PPP6R2: variants seen among roughly 807,000 people sequenced by gnomAD.
PPP6R2 encodes the protein serine/threonine-protein phosphatase 6 regulatory subunit 2.
Under a neutral mutation model 100.2 loss-of-function variants are expected in PPP6R2, and 62 were observed. The observed-to-expected ratio is 0.62, with a 90% CI of 0.50 to 0.76. The LOEUF (loss-of-function observed/expected upper bound fraction) is 0.76. Among genes scored for constraint, PPP6R2 ranks in the 30% least tolerant of loss-of-function variants. The probability of loss-of-function intolerance (pLI) is 0.00; values close to 1 mark genes in which losing one functional copy is unlikely to be tolerated. For synonymous variants in PPP6R2, 525 were observed against 514.7 expected (o/e 1.02, Z -0.27); for missense variants, 1,142 against 1,276.3 (o/e 0.89, Z 1.60).
the PPP6R2 span, among the ~76,000 whole-genome samples, chr22:50,337,276 ATGTGTGG>A: frequency 1.0e-4 from 12 of 116,620 alleles, no homozygotes; most frequent in Admixed American, 1.0e-3. Context: ...TGTGTGGTAC[ATGTGTGG>A]TGTGTGGTAT....
At chr22:50,428,738 T>TAA (rs77686598) in intron 10 of PPP6R2, among the ~76,000 whole-genome samples, 21 of 149,158 alleles carry the variant, frequency 1.4e-4, no homozygotes, top group African/African-American at 3.4e-4. Flanking sequence ...ATACATATTC[T>TAA]AAAAAAAAAA....
intron 1 of PPP6R2, among the ~76,000 whole-genome samples, chr22:50,362,101 G>A (rs2047908280): frequency 6.6e-6 from 1 of 152,236 alleles, no homozygotes; most frequent in Non-Finnish European, 1.5e-5. Flanking sequence ...TTCTCTGGCT[G>A]CCTGGAGGGT....
intron 3 of PPP6R2, among the ~76,000 whole-genome samples, chr22:50,395,735 T>C (rs997697297): frequency 6.6e-6 from 1 of 151,956 alleles, no homozygotes; most frequent in African/African-American, 2.4e-5. Context: ...TAATTTATTT[T>C]TGTATTTTTT....
intron 15 of PPP6R2, 57 bp from the exon 16 acceptor site, chr22:50,437,449 T>C: frequency 7.9e-7 from 1 of 1,271,872 alleles, no homozygotes; most frequent in Non-Finnish European, 1.1e-6. Flanking sequence ...CCTCCAGGCC[T>C]GATGCCTCCT....
At chr22:50,441,107 C>A in intron 22 of PPP6R2, 81 bp downstream of exon 22, 1 of 1,247,760 alleles carries the variant, frequency 8.0e-7, no homozygotes. Context: ...CTCAGCTCCC[C>A]TGAGAGGAGG....
In PPP6R2 at chr22:50,414,632, G is replaced by A. The variant is rs746934763; in HGVS notation, c.495G>A (p.Leu165=). The part of the protein sequence containing the change: ...KHIGTSALMD[L]LLRLVSCVEP... ...TCGGCACCTCAGCGCTTATGGACCT[G>A]CTGCTGCGCCTGGTCAGCTGTGTGG... Residue 165 remains leucine (L), a synonymous_variant, in exon 5 of 24, where the codon CTG becomes CTA. Coordinates refer to ENST00000612753, the MANE Select transcript of PPP6R2 (RefSeq NM_001242898.2). 6 of 1,613,624 alleles carry A rather than the reference G, an allele frequency of 3.7e-6. No individual in the cohort carries two copies. Among genetic ancestry groups the A allele is most frequent in the South Asian group, 3.3e-5 (3 of 91,056 alleles).
At position 50,343,362 on chromosome 22, in the gene PPP6R2, G is replaced by C. The variant is rs967438216; in HGVS notation, c.-336G>C. 1 of 150,962 alleles carries C rather than the reference G, an allele frequency of 6.6e-6. No individual in the cohort carries two copies. Among genetic ancestry groups the C allele is most frequent in the African/African-American group, 2.4e-5 (1 of 41,244 alleles). 9.4% of individuals were successfully genotyped at this position (150,962 alleles called of 1,614,324 possible). ...TGGAGCGATCGGAGTGCCGCCCGCG[G>C]CCCCGAGTCGGTCTCGAGCCGCCGG... On this transcript the variant is annotated 5_prime_UTR_variant, in exon 1 of 24. Transcript: ENST00000612753.
intron 22 of PPP6R2, among the ~76,000 whole-genome samples, chr22:50,442,832 G>C (rs745422040): frequency 6.6e-6 from 1 of 151,150 alleles, no homozygotes; most frequent in African/African-American, 2.4e-5. Flanking sequence ...GATTACAGGT[G>C]TGAGCCACCG....
the PPP6R2 span, among the ~76,000 whole-genome samples, chr22:50,335,272 C>T: frequency 6.8e-6 from 1 of 148,102 alleles, no homozygotes; most frequent in Non-Finnish European, 1.5e-5. Context: ...ACCGTGTTAG[C>T]CAGGGTGGTT....
At chr22:50,412,605 T>C (rs1331398654) in intron 4 of PPP6R2, among the ~76,000 whole-genome samples, 1 of 151,866 alleles carries the variant, frequency 6.6e-6, no homozygotes, top group African/African-American at 2.4e-5. Context: ...ATTCTGATTT[T>C]GTTTCTTGTC....
intron 1 of PPP6R2, among the ~76,000 whole-genome samples, chr22:50,363,849 T>C (rs1430867883): frequency 6.6e-6 from 1 of 151,936 alleles, no homozygotes; most frequent in Non-Finnish European, 1.5e-5. Flanking sequence ...CCAAGACAAG[T>C]GTGAAAAAGA....
At chr22:50,413,301 T>A (rs2060033486) in intron 4 of PPP6R2, among the ~76,000 whole-genome samples, 1 of 152,072 alleles carries the variant, frequency 6.6e-6, no homozygotes, top group African/African-American at 2.4e-5. Flanking sequence ...CTTTTCTAAA[T>A]TTACAAAAAC....
intron 2 of PPP6R2, among the ~76,000 whole-genome samples, chr22:50,377,876 A>G (rs6520143): frequency 0.3 from 45,745 of 151,852 alleles, 7,221 homozygotes; most frequent in South Asian, 0.44. Flanking sequence ...GCGTGGTGGC[A>G]CGCACCTGTA....
Position 50,438,710 on chromosome 22 carries a change from C to T in PPP6R2, c.2076C>T (p.Ala692=), listed in dbSNP as rs1452991325. The change falls in exon 19 of 24, where the codon GCC becomes GCT. Residue 692 remains alanine (A), a synonymous_variant. Transcript: ENST00000612753. ...EAHRDAPGAG[A]PPAPGKKEAP... ...ACAGAGATGCACCTGGGGCAGGTGC[C>T]CCACCGGCCCCCGGGAAGAAGGAAG... 9 of 1,613,016 alleles carry T rather than the reference C, an allele frequency of 5.6e-6. No individual in the cohort carries two copies. Among genetic ancestry groups the T allele is most frequent in the Admixed American group, 1.7e-5 (1 of 59,936 alleles).
chr22:50,434,728 C>T lies in PPP6R2; in HGVS notation c.1401-238C>T, dbSNP rs1310307736. 1.8e-5 allele frequency among the ~76,000 whole-genome samples: 2 copies of T among 114,020 alleles called. 1 individual carries two copies. Among genetic ancestry groups the T allele is most frequent in the African/African-American group, 7.3e-5 (2 of 27,278 alleles). 74.8% of individuals were successfully genotyped at this position (114,020 alleles called of 152,430 possible). A position where few individuals can be genotyped will look rare whatever the true frequency, so the allele number is the denominator to read the frequency against. On this transcript the variant is annotated intron_variant, in intron 12 of 23. Transcript: ENST00000612753. ...GGGTGCGCGGACACTGGGCAGGGGC[C>T]GGGCACTTGCCCTGGAGGTGAACCT...
Position 50,435,070 on chromosome 22 carries a change from A to C in PPP6R2, c.1505A>C (p.Glu502Ala). 2 of 1,547,910 alleles carry C rather than the reference A, an allele frequency of 1.3e-6. No individual in the cohort carries two copies. Residue 502 changes from glutamate (E) to alanine (A), a missense_variant, in exon 13 of 24, where the codon GAG (glutamate) becomes GCG (alanine). Glu to Ala is a moderately radical substitution (Grantham distance 107). This residue lies in a region of PPP6R2 where 592 missense variants were observed against 758.9 expected (regional missense o/e 0.78). Transcript: ENST00000612753. Reference sequence around the variant, plus strand: ...GGCCCTGTGCAGACGCACATCAGCGAGGTCATCCGAGGTGAGCCCCCAACC... The same window carrying C: ...GGCCCTGTGCAGACGCACATCAGCGCGGTCATCCGAGGTGAGCCCCCAACC... ...ERGPVQTHIS[E>A]VIRGLPADCR...
chr22:50,409,036 C>A (rs961004296), intron 4 of PPP6R2, among the ~76,000 whole-genome samples: 22 of 152,206 alleles, frequency 1.4e-4, no homozygotes, highest in Non-Finnish European at 2.6e-4. Flanking sequence ...ATCACTTGAA[C>A]CCAGGAGGCA....
the PPP6R2 span, among the ~76,000 whole-genome samples, chr22:50,333,601 G>T: frequency 6.6e-6 from 1 of 152,100 alleles, no homozygotes; most frequent in Admixed American, 6.5e-5. Flanking sequence ...CAAAGTGCTG[G>T]GATTACAGTC....
In PPP6R2 at chr22:50,444,295, A is replaced by C; in HGVS notation, c.*48A>C. Reference sequence around the variant, plus strand: ...CCCACCCTGGTCAGGCTGCCTCCTTAATCGAGAAAACTACCTGGTGATGCA... The same window carrying C: ...CCCACCCTGGTCAGGCTGCCTCCTTCATCGAGAAAACTACCTGGTGATGCA... On this transcript the variant is annotated 3_prime_UTR_variant, in exon 24 of 24. Coordinates refer to ENST00000612753, the MANE Select transcript of PPP6R2 (RefSeq NM_001242898.2). 1.9e-6 allele frequency: 3 copies of C among 1,580,390 alleles called. No homozygotes were observed. Among genetic ancestry groups the C allele is most frequent in the South Asian group, 1.2e-5 (1 of 86,016 alleles).
Sources: allele counts gnomAD v4.1 joint callset (sites outside exome capture counted in the v4.1 genomes callset), GRCh38; gene constraint gnomAD v4.1.1; regional missense constraint gnomAD v4.1.1; transcripts MANE v1.5; gene names NCBI Gene and HGNC (gene_info 2026-07-23, HGNC 2026-07-21).